The following CYTH1 variants were observed in gnomAD, a reference collection of about 807,000 sequenced individuals.
The protein encoded by CYTH1 is cytohesin 1.
Under a neutral mutation model 61.8 loss-of-function variants are expected in CYTH1, and 18 were observed. That is an observed-to-expected ratio of 0.29 (90% confidence interval 0.20 to 0.43). CYTH1 has a LOEUF of 0.43. Ranked by LOEUF, CYTH1 falls within the 20% of genes least tolerant of loss-of-function variation. The pLI, the probability that CYTH1 is intolerant of heterozygous loss-of-function variation, is 1.00. For synonymous variants in CYTH1, 174 were observed against 184.3 expected (o/e 0.94, Z 0.45); for missense variants, 336 against 510.5 (o/e 0.66, Z 3.29).
Position 78,782,207 on chromosome 17 carries a change from C to T in CYTH1, c.17G>A (p.Ser6Asn). ...CGCCGCCGGGGCGCACTGACCGTAG[C>T]TGTCGTCCTCCTCCATGGTGCGGGA... MEEDD[S>N]YVPSDLTAEE... The change falls in exon 1 of 14, where the codon AGC becomes AAC. Residue 6 changes from serine (S) to asparagine (N), a missense_variant. Physicochemically the swap from Ser to Asn is conservative, Grantham distance 46. Transcript: ENST00000446868. The T allele has an allele frequency of 7.3e-7, 1 of 1,371,194 alleles. No homozygotes were observed. The highest frequency in any genetic ancestry group is 3.4e-5 in the East Asian group (1 of 29,148). 84.9% of individuals were successfully genotyped at this position (1,371,194 alleles called of 1,614,324 possible).
At chr17:78,779,028 T>C (rs1268469224) in intron 1 of CYTH1, among the ~76,000 whole-genome samples, 2 of 152,208 alleles carry the variant, frequency 1.3e-5, no homozygotes, top group South Asian at 4.1e-4. Context: ...CAGGTACTTT[T>C]TGTGTGGTGA....
intron 1 of CYTH1, among the ~76,000 whole-genome samples, chr17:78,733,625 C>A (rs1254325122): frequency 6.6e-6 from 1 of 152,256 alleles, no homozygotes; most frequent in Non-Finnish European, 1.5e-5. Context: ...GTAGCAGCAG[C>A]ACACCCGGCC....
intron 13 of CYTH1, 140 bp from the exon 14 acceptor site, chr17:78,676,309 G>A (rs1019639754): frequency 5.0e-5 from 36 of 723,796 alleles, no homozygotes; most frequent in South Asian, 2.5e-4. Flanking sequence ...CCAAGTTAGC[G>A]TCCTCCACCC....
chr17:78,760,372 T>C (rs1473516971), intron 1 of CYTH1, among the ~76,000 whole-genome samples: 5 of 63,174 alleles, frequency 7.9e-5, no homozygotes, highest in African/African-American at 3.0e-4. Context: ...TATATATATA[T>C]ATATATATAT....
At chr17:78,741,414 T>C (rs1161859194) in intron 1 of CYTH1, among the ~76,000 whole-genome samples, 1 of 152,028 alleles carries the variant, frequency 6.6e-6, no homozygotes, top group Non-Finnish European at 1.5e-5. Context: ...AACGTGAATA[T>C]TTATATAATA....
chr17:78,747,561 C>T (rs1050850419), intron 1 of CYTH1, among the ~76,000 whole-genome samples: 7 of 152,102 alleles, frequency 4.6e-5, no homozygotes, highest in African/African-American at 1.7e-4. Context: ...AAACCCCATA[C>T]CCCATAGGAG....
Position 78,760,428 on chromosome 17 carries a change from C to T in CYTH1, c.22+21774G>A, listed in dbSNP as rs543867165. ...ATATGTGTATATATATATATATACA[C>T]ATACATATATATATGTATATATATA... On this transcript the variant is annotated intron_variant, in intron 1 of 13. Coordinates refer to ENST00000446868, the MANE Select transcript of CYTH1 (RefSeq NM_004762.6). 4.7e-4 allele frequency among the ~76,000 whole-genome samples: 25 copies of T among 53,130 alleles called. 1 individual carries two copies. The highest frequency in any genetic ancestry group is 1.2e-3 in the Admixed American group (6 of 4,948). 34.9% of individuals were successfully genotyped at this position (53,130 alleles called of 152,430 possible). A position where few individuals can be genotyped will look rare whatever the true frequency, so the allele number is the denominator to read the frequency against.
intron 13 of CYTH1, chr17:78,677,279 G>C (rs1047005259): frequency 1.7e-5 from 6 of 361,864 alleles, no homozygotes; most frequent in African/African-American, 1.1e-4. Context: ...ACCCTTTCGG[G>C]TAAGCTGGGG....
intron 1 of CYTH1, among the ~76,000 whole-genome samples, chr17:78,711,567 C>T (rs1322569213): frequency 6.6e-6 from 1 of 152,052 alleles, no homozygotes; most frequent in Non-Finnish European, 1.5e-5. Context: ...CTGCCCATGG[C>T]ATTAAAACTT....
chr17:78,676,582 G>T, intron 13 of CYTH1: 1 of 279,188 alleles, frequency 3.6e-6, no homozygotes. Flanking sequence ...TCTGGCACGG[G>T]GTGTGTGATA....
chr17:78,766,159 G>T (rs1243805187), intron 1 of CYTH1, among the ~76,000 whole-genome samples: 1 of 151,222 alleles, frequency 6.6e-6, no homozygotes, highest in African/African-American at 2.4e-5. Context: ...AGGACTTCGG[G>T]CAGGAAGACT....
chr17:78,754,605 C>CA (rs2093393689), intron 1 of CYTH1, among the ~76,000 whole-genome samples: 2 of 152,164 alleles, frequency 1.3e-5, no homozygotes, highest in Admixed American at 6.5e-5. Flanking sequence ...ACCTCAACCT[C>CA]AAAAAATGCT....
chr17:78,700,527 T>C lies in CYTH1; in HGVS notation c.438-84A>G. On this transcript the variant is annotated intron_variant, in intron 6 of 13. Transcript: ENST00000446868. The surrounding 1 kb of genome is among the most constrained non-coding windows in gnomAD (Gnocchi z 5.1). ...ATTGTTAAACTGCCAATGATTTTTT[T>C]TTTCTTTTTTTTTTTGAGATGGAGT... The C allele has an allele frequency of 8.6e-7, 1 of 1,169,112 alleles. No homozygotes were observed. The highest frequency in any genetic ancestry group is 1.2e-6 in the Non-Finnish European group (1 of 836,600). 72.4% of individuals were successfully genotyped at this position (1,169,112 alleles called of 1,614,324 possible). A position where few individuals can be genotyped will look rare whatever the true frequency, so the allele number is the denominator to read the frequency against.
chr17:78,718,267 A>ACACACACG (rs2093199948), intron 1 of CYTH1, among the ~76,000 whole-genome samples: 3 of 136,770 alleles, frequency 2.2e-5, no homozygotes, highest in East Asian at 2.2e-4. Context: ...ACACACACAC[A>ACACACACG]CGCTCCTTCT....
At chr17:78,772,586 G>A (rs1456092083) in intron 1 of CYTH1, among the ~76,000 whole-genome samples, 1 of 152,278 alleles carries the variant, frequency 6.6e-6, no homozygotes, top group East Asian at 1.9e-4. Flanking sequence ...TCGCCAGGCT[G>A]GAGTGCAGTG....
intron 11 of CYTH1, among the ~76,000 whole-genome samples, chr17:78,683,328 G>A (rs2092783157): frequency 6.6e-6 from 1 of 152,084 alleles, no homozygotes. Flanking sequence ...GCTCTCAGCC[G>A]GCAGGAATTC....
chr17:78,713,545 T>A (rs2093155216), intron 1 of CYTH1, among the ~76,000 whole-genome samples: 1 of 151,806 alleles, frequency 6.6e-6, no homozygotes, highest in South Asian at 2.1e-4. Flanking sequence ...ATAAAAGAAA[T>A]TCCTATCTCA....
chr17:78,713,817 T>C (rs2093157959), intron 1 of CYTH1, among the ~76,000 whole-genome samples: 1 of 151,176 alleles, frequency 6.6e-6, no homozygotes, highest in Non-Finnish European at 1.5e-5. Flanking sequence ...AGCCAACTTG[T>C]ATCATTCTAA....
chr17:78,771,729 T>TAAAAAAAAAA (rs752607880), intron 1 of CYTH1, among the ~76,000 whole-genome samples: 1 of 117,820 alleles, frequency 8.5e-6, no homozygotes, highest in Non-Finnish European at 1.8e-5. Flanking sequence ...GATTCCATCT[T>TAAAAAAAAAA]AAAAAAAAAA....
Sources: gnomAD v4.1 joint callset for allele counts (sites outside exome capture counted in the v4.1 genomes callset) on GRCh38, gnomAD v4.1.1 for gene constraint, Gnocchi (gnomAD v3.1) non-coding constraint, MANE v1.5 for transcripts, NCBI Gene and HGNC (gene_info 2026-07-23, HGNC 2026-07-21) for gene names.